The following CNOT9 variants were observed in gnomAD, a reference collection of about 807,000 sequenced individuals.
CNOT9 encodes the protein RCD1 required for cell differentiation1 homolog.
A neutral mutation model predicts 37.4 loss-of-function variants in CNOT9; 8 were observed. The ratio of observed to expected loss-of-function variants is 0.21; its 90% CI spans 0.13 to 0.39. CNOT9 has a LOEUF of 0.39. Among genes scored for constraint, CNOT9 ranks in the 10% least tolerant of loss-of-function variants. CNOT9 has a pLI of 1.00. For missense variants in CNOT9, 154 were observed against 365.3 expected (o/e 0.42, Z 4.71); for synonymous variants, 120 against 137.6 (o/e 0.87, Z 0.90).
Position 218,572,592 on chromosome 2 carries a change from C to T in CNOT9, c.24+3614C>T, listed in dbSNP as rs7572220. 5,429 of 698,382 alleles carry T rather than the reference C, an allele frequency of 7.8e-3. 236 individuals are homozygous for T. In the African/African-American group the frequency reaches 0.095, roughly 12 times the overall value. 43.3% of individuals were successfully genotyped at this position (698,382 alleles called of 1,614,324 possible). On this transcript the variant is annotated intron_variant, in intron 1 of 7. Coordinates refer to ENST00000273064, the MANE Select transcript of CNOT9 (RefSeq NM_005444.3). Reference sequence around the variant, plus strand: ...GCTGCAGTGAGCCATGATCATGCTACCGCACTTCAGCTTAGGCGACATAGT... The same window carrying T: ...GCTGCAGTGAGCCATGATCATGCTATCGCACTTCAGCTTAGGCGACATAGT...
At chr2:218,579,549 C>T (rs1283970209) in intron 1 of CNOT9, among the ~76,000 whole-genome samples, 2 of 152,130 alleles carry the variant, frequency 1.3e-5, no homozygotes, top group South Asian at 2.1e-4. Flanking sequence ...TGCAGTGGCG[C>T]GATCTCGGCT....
intron 1 of CNOT9, chr2:218,572,669 G>T (rs1032545320): frequency 7.1e-6 from 7 of 985,228 alleles, no homozygotes; most frequent in Non-Finnish European, 8.4e-6. Context: ...CATGCCATAG[G>T]TATTCTGTAA....
At chr2:218,593,436 A>G in intron 7 of CNOT9, 1 of 720,876 alleles carries the variant, frequency 1.4e-6, no homozygotes, top group Non-Finnish European at 2.1e-6. Flanking sequence ...TTTATTTAAA[A>G]TTCTACTTGT....
At position 218,594,705 on chromosome 2, in the gene CNOT9, A is replaced by T; in HGVS notation, c.*429A>T. ...GTTTTTTATTTTGCCTTTCTGGAAG[A>T]CTCAAGATATGTCTCTTCATTCTCT... On this transcript the variant is annotated 3_prime_UTR_variant, in exon 8 of 8. Transcript: ENST00000273064. The T allele has an allele frequency of 6.1e-6, 1 of 164,648 alleles. No individual in the cohort carries two copies. Among genetic ancestry groups the T allele is most frequent in the Admixed American group, 6.1e-5 (1 of 16,320 alleles). 10.2% of individuals were successfully genotyped at this position (164,648 alleles called of 1,614,324 possible).
chr2:218,587,743 C>A, intron 5 of CNOT9, 48 bp downstream of exon 5: 1 of 957,404 alleles, frequency 1.0e-6, no homozygotes, highest in Non-Finnish European at 1.5e-6. Context: ...TCTTAAGCTG[C>A]TTCCTTATGG....
At chr2:218,588,285 A>ATTTTTT (rs1448111259) in intron 5 of CNOT9, among the ~76,000 whole-genome samples, 1 of 145,436 alleles carries the variant, frequency 6.9e-6, no homozygotes, top group African/African-American at 2.5e-5. Flanking sequence ...ATAATCATAT[A>ATTTTTT]TCTTTTTTTT....
At chr2:218,576,184 G>A (rs60451008) in intron 1 of CNOT9, among the ~76,000 whole-genome samples, 1 of 152,114 alleles carries the variant, frequency 6.6e-6, no homozygotes, top group Non-Finnish European at 1.5e-5. Flanking sequence ...TGAAAGATGG[G>A]CCTAAATAAC....
chr2:218,573,613 A>C (rs1694071631), intron 1 of CNOT9: 1 of 152,210 alleles, frequency 6.6e-6, no homozygotes, highest in Admixed American at 6.5e-5. Flanking sequence ...TAGTTTACTC[A>C]GAGAAGGAAA....
chr2:218,583,169 A>G, intron 3 of CNOT9, 83 bp downstream of exon 3: 1 of 640,222 alleles, frequency 1.6e-6, no homozygotes, highest in Non-Finnish European at 2.7e-6. Context: ...AAGGAAGGGC[A>G]TGGAGGAGAG....
At chr2:218,576,409 T>C (rs1694170178) in intron 1 of CNOT9, among the ~76,000 whole-genome samples, 1 of 152,216 alleles carries the variant, frequency 6.6e-6, no homozygotes, top group South Asian at 2.1e-4. Flanking sequence ...TGGTTCTCAC[T>C]AAGTAAATTA....
rs546271750 is a variant in CNOT9, at chr2:218,573,445, G to A, written c.24+4467G>A. On this transcript the variant is annotated intron_variant, in intron 1 of 7. Transcript: ENST00000273064. ...ATACCATGCTGACACCCAAATCCACGTGTTGATCTCCAGACTTGGGAAAAT... is the reference window on the plus strand; with the variant it reads ...ATACCATGCTGACACCCAAATCCACATGTTGATCTCCAGACTTGGGAAAAT... Among the ~76,000 whole-genome samples, 139 of 151,986 alleles carry A rather than the reference G, an allele frequency of 9.1e-4. No individual in the cohort carries two copies. The South Asian group carries it at 0.015, about 16-fold the overall frequency.
intron 2 of CNOT9, chr2:218,581,008 A>G (rs1345597573): frequency 5.4e-6 from 3 of 556,392 alleles, no homozygotes; most frequent in South Asian, 4.6e-5. Flanking sequence ...ATTGTGATGC[A>G]AGTGATCTAA....
In CNOT9 at chr2:218,594,155, C is replaced by A. The variant is rs1400260914; in HGVS notation, c.779C>A (p.Thr260Lys). 1 of 1,614,254 alleles carries A rather than the reference C, an allele frequency of 6.2e-7. No homozygotes were observed. The highest frequency in any genetic ancestry group is 8.5e-7 in the Non-Finnish European group (1 of 1,180,046). Residue 260 changes from threonine to lysine, a missense_variant, in exon 8 of 8, where the codon ACA becomes AAA. Physicochemically the swap from Thr to Lys is moderately conservative, Grantham distance 78 (BLOSUM62 -1). This residue lies in a region of CNOT9 where 117 missense variants were observed against 325.4 expected (regional missense o/e 0.36). Coordinates refer to ENST00000273064, the MANE Select transcript of CNOT9 (RefSeq NM_005444.3). Reference protein sequence around the residue: ...RQCLPDQLKDTTFAQVLKDDT... With the variant: ...RQCLPDQLKDKTFAQVLKDDT... ...TGCCTCCCTGACCAGCTGAAAGACA[C>A]AACCTTCGCCCAGGTGCTAAAAGAT...
At chr2:218,594,061 G>A in intron 7 of CNOT9, 47 bp from the exon 8 acceptor site, 2 of 1,589,350 alleles carry the variant, frequency 1.3e-6, no homozygotes, top group Non-Finnish European at 1.7e-6. Context: ...ACAAAATGTG[G>A]GTTTATTTGT....
intron 1 of CNOT9, among the ~76,000 whole-genome samples, chr2:218,578,377 A>G (rs1249147781): frequency 6.6e-6 from 1 of 152,220 alleles, no homozygotes; most frequent in Non-Finnish European, 1.5e-5. Context: ...CAGATTGGGT[A>G]GAGTAAATTT....
At chr2:218,573,001 T>A (rs1437930467) in intron 1 of CNOT9, among the ~76,000 whole-genome samples, 2 of 152,178 alleles carry the variant, frequency 1.3e-5, no homozygotes, top group East Asian at 3.9e-4. Context: ...TTATTCACTT[T>A]CATTTTTTAA....
intron 1 of CNOT9, 129 bp from the exon 2 acceptor site, chr2:218,580,432 C>G: frequency 1.5e-6 from 1 of 685,788 alleles, no homozygotes; most frequent in South Asian, 2.1e-5. Context: ...TAGTTGACAT[C>G]AAATGTATGT....
chr2:218,583,907 T>G (rs1694499895), intron 3 of CNOT9, among the ~76,000 whole-genome samples: 1 of 152,242 alleles, frequency 6.6e-6, no homozygotes, highest in Admixed American at 6.5e-5. Context: ...TAAACTGTTT[T>G]CAGAATGGTT....
chr2:218,572,704 C>A (rs1010830003), intron 1 of CNOT9: 2 of 984,974 alleles, frequency 2.0e-6, no homozygotes, highest in African/African-American at 3.5e-5. Context: ...GTGAAACAAC[C>A]GGAGGTAAGC....
Sources: gnomAD v4.1 joint callset for allele counts (sites outside exome capture counted in the v4.1 genomes callset) on GRCh38, gnomAD v4.1.1 for gene constraint, gnomAD v4.1.1 regional missense constraint, MANE v1.5 for transcripts, NCBI Gene and HGNC (gene_info 2026-07-23, HGNC 2026-07-21) for gene names.